GRIK1: variants seen among roughly 807,000 people sequenced by gnomAD.
GRIK1 encodes glutamate ionotropic receptor kainate type subunit 1.
GRIK1 carries 69 observed loss-of-function variants against 105.7 expected under a neutral mutation model. The observed-to-expected ratio is 0.65, with a 90% CI of 0.54 to 0.80. The LOEUF is 0.80. Among genes scored for constraint, GRIK1 ranks in the 30% least tolerant of loss-of-function variants. The probability of loss-of-function intolerance (pLI) is 0.00; values close to 1 mark genes in which losing one functional copy is unlikely to be tolerated. For missense variants in GRIK1, 1,109 were observed against 1,167.3 expected (o/e 0.95, Z 0.73); for synonymous variants, 438 against 431.3 (o/e 1.02, Z -0.19).
chr21:29,690,595 C>T (rs1309076709), intron 2 of GRIK1, among the ~76,000 whole-genome samples: 1 of 152,182 alleles, frequency 6.6e-6, no homozygotes, highest in African/African-American at 2.4e-5. Context: ...TTGTCCAACC[C>T]ACTCATTTCA....
intron 1 of GRIK1, among the ~76,000 whole-genome samples, chr21:29,710,960 C>T (rs979466521): frequency 2.0e-5 from 3 of 151,400 alleles, no homozygotes; most frequent in Non-Finnish European, 4.4e-5. Flanking sequence ...CTTGGATTGT[C>T]GCCTTCCTAT....
chr21:29,817,227 A>G (rs2145912624), intron 1 of GRIK1, among the ~76,000 whole-genome samples: 1 of 152,254 alleles, frequency 6.6e-6, no homozygotes, highest in African/African-American at 2.4e-5. Context: ...TAATAACTGT[A>G]TTATAAGATG....
intron 1 of GRIK1, among the ~76,000 whole-genome samples, chr21:29,703,242 G>T (rs1042230321): frequency 6.6e-6 from 1 of 152,198 alleles, no homozygotes; most frequent in African/African-American, 2.4e-5. Flanking sequence ...TGTGCCTGTT[G>T]TGACAATCTG....
At chr21:29,881,803 A>G (rs1249326233) in intron 1 of GRIK1, among the ~76,000 whole-genome samples, 1 of 152,122 alleles carries the variant, frequency 6.6e-6, no homozygotes, top group Non-Finnish European at 1.5e-5. Context: ...TATATTTACT[A>G]TCTTTGGCAG....
chr21:29,560,227 G>A (rs2090357335), intron 15 of GRIK1, among the ~76,000 whole-genome samples: 2 of 151,768 alleles, frequency 1.3e-5, no homozygotes, highest in Admixed American at 6.6e-5. Context: ...ATTACCAAGG[G>A]CTCACTTGGG....
chr21:29,855,821 G>T (rs1019412891), intron 1 of GRIK1, among the ~76,000 whole-genome samples: 11 of 152,140 alleles, frequency 7.2e-5, no homozygotes, highest in African/African-American at 1.9e-4. Flanking sequence ...TGATGTTTTT[G>T]GAGACACGAT....
In GRIK1 at chr21:29,576,853, T is replaced by C. The variant is rs543099213; in HGVS notation, c.2130+111A>G. Reference sequence around the variant, plus strand: ...TATAAATTTTATTTCATTAAAAAAATTACCCAACATCTTTTTTTCTTTTTT... The same window carrying C: ...TATAAATTTTATTTCATTAAAAAAACTACCCAACATCTTTTTTTCTTTTTT... On this transcript the variant is annotated intron_variant, in intron 14 of 17. Transcript: ENST00000327783. 2.6e-4 allele frequency: 168 copies of C among 649,316 alleles called. 1 individual carries two copies. The highest frequency in any genetic ancestry group is 4.3e-4 in the Non-Finnish European group (163 of 382,594). 40.2% of individuals were successfully genotyped at this position (649,316 alleles called of 1,614,324 possible). A position where few individuals can be genotyped will look rare whatever the true frequency, so the allele number is the denominator to read the frequency against.
intron 16 of GRIK1, among the ~76,000 whole-genome samples, chr21:29,541,573 G>GTTTTTTTTT (rs1202014711): frequency 4.9e-4 from 41 of 83,678 alleles, no homozygotes; most frequent in African/African-American, 1.5e-3. Flanking sequence ...TGCACTCACG[G>GTTTTTTTTT]TCTTTTTTTT....
At chr21:29,856,191 C>T (rs375371777) in intron 1 of GRIK1, among the ~76,000 whole-genome samples, 9 of 151,868 alleles carry the variant, frequency 5.9e-5, no homozygotes, top group African/African-American at 1.2e-4. Flanking sequence ...GACTCTATAG[C>T]GGGAGATAAG....
intron 7 of GRIK1, among the ~76,000 whole-genome samples, chr21:29,614,667 C>T (rs1004217765): frequency 1.1e-4 from 17 of 151,342 alleles, no homozygotes; most frequent in African/African-American, 4.2e-4. Context: ...CCTGCCTCGG[C>T]CTCCCAAAGT....
At chr21:29,879,242 G>C (rs912507910) in intron 1 of GRIK1, among the ~76,000 whole-genome samples, 4 of 152,134 alleles carry the variant, frequency 2.6e-5, no homozygotes, top group Admixed American at 2.6e-4. Flanking sequence ...TTCTAAAAAT[G>C]CTGTTGGAAT....
chr21:29,776,369 T>C (rs1354675229), intron 1 of GRIK1, among the ~76,000 whole-genome samples: 1 of 152,226 alleles, frequency 6.6e-6, no homozygotes, highest in African/African-American at 2.4e-5. Flanking sequence ...GAATATTGAG[T>C]TTGTATCAAC....
At chr21:29,681,086 T>A (rs192388183) in intron 3 of GRIK1, among the ~76,000 whole-genome samples, 2 of 152,278 alleles carry the variant, frequency 1.3e-5, no homozygotes, top group East Asian at 3.9e-4. Flanking sequence ...TGAGCCGAGA[T>A]CGCACCACTG....
chr21:29,755,870 T>G (rs1298289407), intron 1 of GRIK1, among the ~76,000 whole-genome samples: 1 of 152,154 alleles, frequency 6.6e-6, no homozygotes, highest in Non-Finnish European at 1.5e-5. Flanking sequence ...ATGAATTGAG[T>G]AAAAAGGTTC....
intron 4 of GRIK1, among the ~76,000 whole-genome samples, chr21:29,658,874 T>C (rs1413392800): frequency 6.6e-6 from 1 of 152,214 alleles, no homozygotes; most frequent in Non-Finnish European, 1.5e-5. Flanking sequence ...TCCAGAGATC[T>C]CAGTTCCCTA....
intron 1 of GRIK1, among the ~76,000 whole-genome samples, chr21:29,793,925 G>A (rs1445981264): frequency 6.6e-6 from 1 of 152,164 alleles, no homozygotes; most frequent in Non-Finnish European, 1.5e-5. Context: ...CCTCGTGGAA[G>A]ACACAAAGGT....
intron 16 of GRIK1, among the ~76,000 whole-genome samples, chr21:29,541,575 C>CGTTTTTTTTTTTTT (rs2089970947): frequency 1.0e-5 from 1 of 96,006 alleles, no homozygotes; most frequent in African/African-American, 4.8e-5. Context: ...CACTCACGGT[C>CGTTTTTTTTTTTTT]TTTTTTTTTT....
intron 1 of GRIK1, among the ~76,000 whole-genome samples, chr21:29,918,592 T>C (rs2071086799): frequency 2.0e-5 from 3 of 152,092 alleles, no homozygotes; most frequent in Non-Finnish European, 4.4e-5. Context: ...TTCTGGCATA[T>C]TTCATAGCAC....
intron 1 of GRIK1, among the ~76,000 whole-genome samples, chr21:29,904,737 C>T (rs1271305501): frequency 6.6e-6 from 1 of 152,150 alleles, no homozygotes. Context: ...GGAAAGCACC[C>T]TACCAAGGGC....
Sources: allele counts gnomAD v4.1 joint callset (sites outside exome capture counted in the v4.1 genomes callset), GRCh38; gene constraint gnomAD v4.1.1; transcripts MANE v1.5; gene names NCBI Gene and HGNC (gene_info 2026-07-23, HGNC 2026-07-21).